Variants in PDE4B observed in about 807,000 individuals in gnomAD.
PDE4B encodes 3',5'-cyclic-AMP phosphodiesterase 4B.
PDE4B carries 20 observed loss-of-function variants against 82.2 expected under a neutral mutation model. The ratio of observed to expected loss-of-function variants is 0.24; its 90% confidence interval spans 0.17 to 0.35. The LOEUF (loss-of-function observed/expected upper bound fraction) is 0.35, where lower values mean the gene tolerates loss of function less well. PDE4B is among the 10% of genes least tolerant of loss of function. PDE4B has a pLI of 1.00. For synonymous variants in PDE4B, 320 were observed against 318.9 expected, an observed-to-expected ratio of 1.00 and a Z score of -0.04; for missense variants, 655 against 907.2, an observed-to-expected ratio of 0.72 and a Z score of 3.57.
rs569969391 is a variant in PDE4B at position 65,878,272 on chromosome 1, C to T, written c.-70-34973C>T. 4.6e-5 allele frequency among the ~76,000 whole-genome samples: 7 copies of T among 152,286 alleles called. No individual in the cohort carries two copies. The South Asian group carries it at 1.4e-3, about 32-fold the overall frequency. On this transcript the variant is annotated intron_variant, in intron 1 of 16. Transcript: ENST00000341517. The stretch of plus-strand genomic sequence containing the variant: ...ATGTGGAGAAATAGGAACACTTTTA[C>T]ATTGTTGGAGGGAGTGTAAATTAGT...
chr1:66,169,834 T>C (rs1646805121), intron 3 of PDE4B, among the ~76,000 whole-genome samples: 1 of 152,190 alleles, frequency 6.6e-6, no homozygotes, highest in Non-Finnish European at 1.5e-5. Context: ...TGGAGGCATA[T>C]TGGAAAAAAT....
At chr1:65,911,760 C>T (rs1647094498) in intron 1 of PDE4B, among the ~76,000 whole-genome samples, 1 of 152,100 alleles carries the variant, frequency 6.6e-6, no homozygotes. Context: ...ACCTGAAAAG[C>T]CCATGGGGTT....
chr1:66,070,803 T>C (rs1472465452), intron 3 of PDE4B, among the ~76,000 whole-genome samples: 1 of 152,118 alleles, frequency 6.6e-6, no homozygotes, highest in Non-Finnish European at 1.5e-5. Flanking sequence ...CTTTAGTTTG[T>C]GGTTTATTTT....
chr1:66,104,874 T>C (rs1481035526), intron 3 of PDE4B, among the ~76,000 whole-genome samples: 2 of 146,766 alleles, frequency 1.4e-5, no homozygotes, highest in Non-Finnish European at 3.0e-5. Context: ...GAAAATTTTC[T>C]CCCATTTTGT....
At chr1:66,339,858 T>G (rs1349604265) in intron 8 of PDE4B, among the ~76,000 whole-genome samples, 1 of 151,914 alleles carries the variant, frequency 6.6e-6, no homozygotes, top group African/African-American at 2.4e-5. Flanking sequence ...TTGTTTTTTT[T>G]TTTTTAGAAT....
chr1:66,085,823 G>C (rs1427534139), intron 3 of PDE4B, among the ~76,000 whole-genome samples: 2 of 152,088 alleles, frequency 1.3e-5, no homozygotes, highest in African/African-American at 4.8e-5. Flanking sequence ...ATCATGACAA[G>C]CTTTGCCTTG....
At chr1:65,798,238 CTTTTTTTTTTTTTTTTTTT>C (rs781315273) in intron 1 of PDE4B, among the ~76,000 whole-genome samples, 1 of 22,670 alleles carries the variant, frequency 4.4e-5, no homozygotes, top group Admixed American at 4.6e-4. Flanking sequence ...CCAGGCTAGT[CTTTTTTTTTTTTTTTTTTT>C]TTTTTTTTTT....
intron 3 of PDE4B, among the ~76,000 whole-genome samples, chr1:66,170,125 T>G (rs567586009): frequency 6.6e-6 from 1 of 152,296 alleles, no homozygotes; most frequent in African/African-American, 2.4e-5. Context: ...GGGATATGAA[T>G]AGCGTACCAG....
At chr1:65,825,705 C>CTATCTATCTATCTAT (rs1557766049) in intron 1 of PDE4B, among the ~76,000 whole-genome samples, 11 of 107,374 alleles carry the variant, frequency 1.0e-4, no homozygotes, top group East Asian at 2.2e-4. Context: ...AACAAAATTA[C>CTATCTATCTATCTAT]CTATCTATCT....
intron 6 of PDE4B, among the ~76,000 whole-genome samples, chr1:66,262,141 C>A (rs189417243): frequency 8.5e-5 from 13 of 152,304 alleles, no homozygotes; most frequent in Admixed American, 7.2e-4. Flanking sequence ...TTTTTTAGTG[C>A]ATATCTATCC....
intron 3 of PDE4B, among the ~76,000 whole-genome samples, chr1:66,052,778 A>C (rs997915290): frequency 2.0e-5 from 3 of 152,096 alleles, no homozygotes; most frequent in Non-Finnish European, 4.4e-5. Context: ...ATCAAATTAG[A>C]GGGTGTTTTC....
At chr1:66,070,489 T>C (rs1656098057) in intron 3 of PDE4B, among the ~76,000 whole-genome samples, 1 of 151,944 alleles carries the variant, frequency 6.6e-6, no homozygotes, top group South Asian at 2.1e-4. Flanking sequence ...CAATAAACCA[T>C]TTAAAAATAA....
At chr1:66,330,776 G>A (rs1557704528) in intron 7 of PDE4B, 1 of 985,242 alleles carries the variant, frequency 1.0e-6, no homozygotes, top group Non-Finnish European at 1.2e-6. Context: ...ACACTAGAGA[G>A]TAAGTCAGAG....
At chr1:66,291,822 T>C (rs1038426112) in intron 7 of PDE4B, among the ~76,000 whole-genome samples, 2 of 152,188 alleles carry the variant, frequency 1.3e-5, no homozygotes, top group Non-Finnish European at 2.9e-5. Flanking sequence ...TTGAGGTCAA[T>C]ATGAAAATTT....
chr1:66,211,803 A>T (rs1227852005), intron 3 of PDE4B, among the ~76,000 whole-genome samples: 1 of 152,236 alleles, frequency 6.6e-6, no homozygotes, highest in East Asian at 1.9e-4. Context: ...GTATCATAGA[A>T]CATAGCATTG....
intron 3 of PDE4B, among the ~76,000 whole-genome samples, chr1:66,193,825 C>T (rs780295483): frequency 1.3e-5 from 2 of 151,956 alleles, no homozygotes; most frequent in African/African-American, 4.8e-5. Context: ...TGGAAAAATG[C>T]TTTTAGAGAC....
chr1:65,805,249 G>C (rs1645741968), intron 1 of PDE4B, among the ~76,000 whole-genome samples: 1 of 152,214 alleles, frequency 6.6e-6, no homozygotes, highest in Admixed American at 6.5e-5. Flanking sequence ...ACAGGCGTGA[G>C]CCACTGCTCC....
At chr1:66,206,664 C>T (rs185577740) in intron 3 of PDE4B, among the ~76,000 whole-genome samples, 2 of 152,222 alleles carry the variant, frequency 1.3e-5, no homozygotes, top group Admixed American at 1.3e-4. Context: ...TAATAAGTTG[C>T]AGGTAAGGAA....
At chr1:66,125,323 C>G (rs1377292532) in intron 3 of PDE4B, among the ~76,000 whole-genome samples, 1 of 151,970 alleles carries the variant, frequency 6.6e-6, no homozygotes, top group Non-Finnish European at 1.5e-5. Context: ...GCCACCATGC[C>G]CAGCTAGTTT....
Sources: allele counts gnomAD v4.1 joint callset (sites outside exome capture counted in the v4.1 genomes callset), GRCh38; gene constraint gnomAD v4.1.1; transcripts MANE v1.5; gene names NCBI Gene and HGNC (gene_info 2026-07-23, HGNC 2026-07-21).